FBXL17: variants seen among roughly 807,000 people sequenced by gnomAD.
FBXL17 encodes the protein F-box/LRR-repeat protein 17.
Under a neutral mutation model 66.2 loss-of-function variants are expected in FBXL17, and 22 were observed. The observed-to-expected ratio is 0.33, with a 90% CI of 0.24 to 0.47. The LOEUF is 0.47. Among genes scored for constraint, FBXL17 ranks in the 20% least tolerant of loss-of-function variants. The pLI, the probability that FBXL17 is intolerant of heterozygous loss-of-function variation, is 1.00. For missense variants in FBXL17, 878 were observed against 948.2 expected (o/e 0.93, Z 0.97); for synonymous variants, 474 against 400.5 (o/e 1.18, Z -2.19).
intron 6 of FBXL17, among the ~76,000 whole-genome samples, chr5:108,085,948 G>T (rs189933499): frequency 6.6e-6 from 1 of 152,022 alleles, no homozygotes; most frequent in African/African-American, 2.4e-5. Flanking sequence ...CAATAGTAAA[G>T]AACATTGGAA....
Position 108,244,247 on chromosome 5 carries a change from G to C in FBXL17, c.1507-20019C>G, listed in dbSNP as rs548930090. Among the ~76,000 whole-genome samples, 17 of 151,914 alleles carry C rather than the reference G, an allele frequency of 1.1e-4. No homozygotes were observed. In the South Asian group the frequency reaches 3.1e-3, roughly 28 times the overall value. ...TCTCATATCCTTTCTTAACTGGCTG[G>C]TCATAATATGGAAGCATTTTAAGTA... On this transcript the variant is annotated intron_variant, in intron 4 of 8. Coordinates refer to ENST00000542267, the MANE Select transcript of FBXL17 (RefSeq NM_001163315.3).
At chr5:108,251,020 G>C (rs1756326561) in intron 4 of FBXL17, among the ~76,000 whole-genome samples, 1 of 150,458 alleles carries the variant, frequency 6.6e-6, no homozygotes, top group Admixed American at 6.6e-5. Context: ...TTTGTTATTT[G>C]TTTTGTTATT....
chr5:108,333,584 C>G (rs1760236312), intron 4 of FBXL17, among the ~76,000 whole-genome samples: 1 of 152,020 alleles, frequency 6.6e-6, no homozygotes, highest in Admixed American at 6.6e-5. Context: ...GTGGTCAAAT[C>G]TTTGCTCTTA....
chr5:108,188,320 A>G (rs1753323383), intron 5 of FBXL17, among the ~76,000 whole-genome samples: 1 of 152,234 alleles, frequency 6.6e-6, no homozygotes, highest in Admixed American at 6.5e-5. Flanking sequence ...CAGCAGGTAA[A>G]TTCTTTCTAA....
intron 8 of FBXL17, among the ~76,000 whole-genome samples, chr5:107,863,174 G>A (rs78287792): frequency 0.17 from 25,799 of 151,236 alleles, 3,149 homozygotes; most frequent in Middle Eastern, 0.29. Flanking sequence ...ACACATATCG[G>A]AGTTGAAATA....
rs185450844 is a variant in FBXL17, at chr5:108,249,952, C to T, written c.1507-25724G>A. On this transcript the variant is annotated intron_variant, in intron 4 of 8. Coordinates refer to ENST00000542267, the MANE Select transcript of FBXL17 (RefSeq NM_001163315.3). ...AAAAATAGTAAGAAGGAGCTGACAG[C>T]TCTCCTACATCCAGGCAACACATTT... Among the ~76,000 whole-genome samples, 17 of 152,162 alleles carry T rather than the reference C, an allele frequency of 1.1e-4. No homozygotes were observed. In the East Asian group the frequency reaches 2.9e-3, roughly 26 times the overall value.
chr5:108,371,581 A>G (rs1749040873), intron 1 of FBXL17, among the ~76,000 whole-genome samples: 1 of 152,232 alleles, frequency 6.6e-6, no homozygotes, highest in African/African-American at 2.4e-5. Context: ...AAACCCAGAC[A>G]TTGGACTTAC....
At chr5:107,910,486 T>C (rs886434758) in intron 7 of FBXL17, among the ~76,000 whole-genome samples, 9 of 151,978 alleles carry the variant, frequency 5.9e-5, no homozygotes, top group African/African-American at 1.7e-4. Context: ...AGTGTAAGTA[T>C]CCATTAAAGC....
rs549297985 is a variant in FBXL17, at chr5:108,158,307, C to G, written c.1745+27810G>C. ...TAGAAAACACTGAACCAATATAATT[C>G]ACAATAGCCAAAAACTTATTGGATA... On this transcript the variant is annotated intron_variant, in intron 6 of 8. Coordinates refer to ENST00000542267, the MANE Select transcript of FBXL17 (RefSeq NM_001163315.3). 5.9e-5 allele frequency among the ~76,000 whole-genome samples: 9 copies of G among 152,150 alleles called. No homozygotes were observed. In the South Asian group the frequency reaches 1.5e-3, roughly 25 times the overall value.
At chr5:107,965,902 G>T (rs544105906) in intron 7 of FBXL17, among the ~76,000 whole-genome samples, 2 of 152,100 alleles carry the variant, frequency 1.3e-5, no homozygotes, top group Admixed American at 6.5e-5. Context: ...TAGCTATTTT[G>T]GTGATATTTT....
At chr5:108,175,423 TTTCTTTAAATGGAATTCATA>T (rs1214633404) in intron 6 of FBXL17, among the ~76,000 whole-genome samples, 1 of 152,226 alleles carries the variant, frequency 6.6e-6, no homozygotes, top group Admixed American at 6.5e-5. Flanking sequence ...TATTTCATCT[TTTCTTTAAATGGAATTCATA>T]TTCATTTTAA....
chr5:107,880,683 G>T, intron 8 of FBXL17: 2 of 1,232,646 alleles, frequency 1.6e-6, no homozygotes, highest in African/African-American at 1.5e-5. Context: ...TTGAAACCCA[G>T]AATACAATTT....
intron 6 of FBXL17, among the ~76,000 whole-genome samples, chr5:108,132,929 C>A (rs1750992295): frequency 6.6e-6 from 1 of 151,740 alleles, no homozygotes; most frequent in East Asian, 1.9e-4. Flanking sequence ...AAACATGGAA[C>A]CAAAAGAAAG....
intron 8 of FBXL17, chr5:107,880,192 C>G: frequency 4.4e-6 from 1 of 229,642 alleles, no homozygotes; most frequent in South Asian, 1.6e-4. Context: ...CTTAGCTTCC[C>G]GAGTAGCTGG....
At chr5:108,369,973 C>T (rs1445127835) in intron 1 of FBXL17, among the ~76,000 whole-genome samples, 4 of 152,120 alleles carry the variant, frequency 2.6e-5, no homozygotes, top group Non-Finnish European at 5.9e-5. Flanking sequence ...GACCAGAGGT[C>T]AGGGCACAAG....
chr5:107,960,171 G>A (rs988710684), intron 7 of FBXL17, among the ~76,000 whole-genome samples: 5 of 151,876 alleles, frequency 3.3e-5, no homozygotes, highest in African/African-American at 4.8e-5. Context: ...ATTTATCCAC[G>A]GTTCTAGGAC....
At chr5:108,130,765 T>C (rs1018540460) in intron 6 of FBXL17, among the ~76,000 whole-genome samples, 36 of 152,188 alleles carry the variant, frequency 2.4e-4, no homozygotes, top group African/African-American at 7.2e-4. Flanking sequence ...GGCTCAAAGA[T>C]GGCACAACCA....
intron 7 of FBXL17, among the ~76,000 whole-genome samples, chr5:107,889,600 T>C (rs942087591): frequency 6.6e-6 from 1 of 152,184 alleles, no homozygotes; most frequent in Non-Finnish European, 1.5e-5. Flanking sequence ...AAGCTAGCTG[T>C]GGCCCTTGAC....
At chr5:108,273,438 G>A (rs1477522236) in intron 4 of FBXL17, among the ~76,000 whole-genome samples, 1 of 151,564 alleles carries the variant, frequency 6.6e-6, no homozygotes, top group Non-Finnish European at 1.5e-5. Flanking sequence ...ATACATAAAA[G>A]TTTAAAGAAC....
Sources: gnomAD v4.1 joint callset for allele counts (sites outside exome capture counted in the v4.1 genomes callset) on GRCh38, gnomAD v4.1.1 for gene constraint, MANE v1.5 for transcripts, NCBI Gene and HGNC (gene_info 2026-07-23, HGNC 2026-07-21) for gene names.